SPPL2A: variants seen among roughly 807,000 people sequenced by gnomAD.
SPPL2A encodes signal peptide peptidase like 2A, also known as signal peptide peptidase-like 2A.
SPPL2A carries 51 observed loss-of-function variants against 63.8 expected under a neutral mutation model. That is an observed-to-expected ratio of 0.80 (90% CI 0.64 to 1.01). SPPL2A has a LOEUF of 1.01. SPPL2A is among the 50% of genes least tolerant of loss of function. The pLI is 0.00. For missense variants in SPPL2A, 553 were observed against 622.7 expected (o/e 0.89, Z 1.19); for synonymous variants, 188 against 205.8 (o/e 0.91, Z 0.74).
At chr15:50,760,983 A>G (rs923096479) in intron 1 of SPPL2A, among the ~76,000 whole-genome samples, 4 of 150,036 alleles carry the variant, frequency 2.7e-5, no homozygotes, top group Admixed American at 2.7e-4. Context: ...AAAAAAAATC[A>G]ACAAAACTAT....
chr15:50,708,181 G>T (rs2062526885), intron 14 of SPPL2A, among the ~76,000 whole-genome samples: 1 of 152,140 alleles, frequency 6.6e-6, no homozygotes, highest in African/African-American at 2.4e-5. Context: ...ACAAAAGGAA[G>T]ATATTCCTGA....
chr15:50,740,653 G>A (rs991244881), intron 5 of SPPL2A, among the ~76,000 whole-genome samples: 6 of 151,906 alleles, frequency 3.9e-5, no homozygotes, highest in South Asian at 2.1e-4. Flanking sequence ...CTCTGTTGCC[G>A]AGGCTGGAGT....
At chr15:50,711,609 A>G (rs2062559288) in intron 14 of SPPL2A, among the ~76,000 whole-genome samples, 1 of 152,202 alleles carries the variant, frequency 6.6e-6, no homozygotes, top group Admixed American at 6.5e-5. Flanking sequence ...AAGATCCTGA[A>G]GTATTTCAAT....
chr15:50,762,880 G>A (rs539317281), intron 1 of SPPL2A, among the ~76,000 whole-genome samples: 2 of 151,034 alleles, frequency 1.3e-5, no homozygotes, highest in Non-Finnish European at 1.5e-5. Flanking sequence ...TAACAGGCAC[G>A]CACCACCACG....
At chr15:50,737,385 C>G (rs554849058) in intron 6 of SPPL2A, among the ~76,000 whole-genome samples, 13 of 152,200 alleles carry the variant, frequency 8.5e-5, no homozygotes, top group African/African-American at 2.9e-4. Context: ...CTGTTTGATG[C>G]CAACATAATA....
At position 50,719,998 on chromosome 15, in the gene SPPL2A, G is replaced by A. The variant is rs2062631628; in HGVS notation, c.1430C>T (p.Ser477Leu). ...TTCCTTACGTCTCCAGGCAACAACT[G>A]AGGCAGTAATAAGTGTGCAAGGTAC... Reference protein sequence around the residue: ...YLVPCTLITASVVAWRRKEMK... With the variant: ...YLVPCTLITALVVAWRRKEMK... The change falls in exon 14 of 15, where the codon TCA (serine) becomes TTA (leucine). Residue 477 changes from serine to leucine, a missense_variant. By Grantham distance (145) the Ser-to-Leu change is moderately radical. Transcript: ENST00000261854. The A allele has an allele frequency of 6.2e-7, 1 of 1,613,818 alleles. No homozygotes were observed. The highest frequency in any genetic ancestry group is 8.5e-7 in the Non-Finnish European group (1 of 1,179,806).
At chr15:50,729,203 T>C (rs180788678) in intron 10 of SPPL2A, among the ~76,000 whole-genome samples, 1 of 152,246 alleles carries the variant, frequency 6.6e-6, no homozygotes, top group African/African-American at 2.4e-5. Context: ...TCTGCCTGCC[T>C]TGGCCTCCCA....
chr15:50,703,203 C>G lies in SPPL2A; in HGVS notation c.*4597G>C, dbSNP rs1172443724. On this transcript the variant is annotated 3_prime_UTR_variant, in exon 15 of 15. Transcript: ENST00000261854. Reference sequence around the variant, plus strand: ...ATCTCAGCCAGTACATTCCATTGTACTGGTCTACACTGAATTCCATTCAAT... The same window carrying G: ...ATCTCAGCCAGTACATTCCATTGTAGTGGTCTACACTGAATTCCATTCAAT... 2 of 150,760 alleles carry G rather than the reference C, an allele frequency of 1.3e-5. No individual in the cohort carries two copies. Among genetic ancestry groups the G allele is most frequent in the Admixed American group, 6.7e-5 (1 of 15,036 alleles). 9.3% of individuals were successfully genotyped at this position (150,760 alleles called of 1,614,324 possible). A position where few individuals can be genotyped will look rare whatever the true frequency, so the allele number is the denominator to read the frequency against.
chr15:50,748,178 C>A lies in SPPL2A; in HGVS notation c.385G>T (p.Glu129Ter). ...VLFPPSGNRS[E>*]FPDVKILIAF... is the part of the protein sequence containing the mutation. ...ATCAGTATTTTCACATCAGGAAATT[C>A]AGATCTGTTACCTGAGGGAGGAAAC... Residue 129 changes from glutamate to a stop codon, truncating the protein, a stop_gained, in exon 4 of 15, where the codon GAA becomes TAA. Coordinates refer to ENST00000261854, the MANE Select transcript of SPPL2A (RefSeq NM_032802.4). LOFTEE classifies it high-confidence loss of function. 1 of 1,500,974 alleles carries A rather than the reference C, an allele frequency of 6.7e-7. No homozygotes were observed. Among genetic ancestry groups the A allele is most frequent in the Non-Finnish European group, 8.9e-7 (1 of 1,120,804 alleles). The allele number at this position is 1,500,974 out of a possible 1,614,324, so 93.0% of individuals were successfully genotyped here. A position where few individuals can be genotyped will look rare whatever the true frequency, so the allele number is the denominator to read the frequency against.
chr15:50,742,045 G>C (rs116612156), intron 5 of SPPL2A, among the ~76,000 whole-genome samples: 2,597 of 151,974 alleles, frequency 0.017, 30 homozygotes, highest in African/African-American at 0.031. Flanking sequence ...AGAGCCATAC[G>C]CAATAGAAAC....
chr15:50,745,195 G>C (rs2141048483), intron 5 of SPPL2A, among the ~76,000 whole-genome samples: 1 of 152,292 alleles, frequency 6.6e-6, no homozygotes, highest in African/African-American at 2.4e-5. Flanking sequence ...CTGTCACCCA[G>C]CTTGGAGTGC....
chr15:50,757,889 C>A (rs1311468249), intron 1 of SPPL2A, among the ~76,000 whole-genome samples: 2 of 151,020 alleles, frequency 1.3e-5, no homozygotes, highest in African/African-American at 4.9e-5. Flanking sequence ...GAGGCTGAGG[C>A]CTGAGAATCG....
intron 8 of SPPL2A, among the ~76,000 whole-genome samples, chr15:50,734,901 CTCTT>C (rs952938385): frequency 1.3e-5 from 2 of 152,062 alleles, no homozygotes; most frequent in African/African-American, 2.4e-5. Context: ...TTCTCTCTCT[CTCTT>C]TTCTTTTTTT....
In SPPL2A at chr15:50,757,697, T is replaced by C. The variant is rs538117992; in HGVS notation, c.66+7771A>G. On this transcript the variant is annotated intron_variant, in intron 1 of 14. Transcript: ENST00000261854. ...CCTGTTATGGTATTCTGGGATCTCA[T>C]GAACAATTTTAATTTACTTTGTCCA... 4.6e-5 allele frequency among the ~76,000 whole-genome samples: 7 copies of C among 152,330 alleles called. No individual in the cohort carries two copies. In the South Asian group the frequency reaches 1.4e-3, roughly 32 times the overall value.
chr15:50,762,704 G>A (rs1319906334), intron 1 of SPPL2A, among the ~76,000 whole-genome samples: 3 of 151,694 alleles, frequency 2.0e-5, no homozygotes, highest in Non-Finnish European at 4.4e-5. Context: ...CATGACTAAG[G>A]GGAAGCAGTG....
intron 14 of SPPL2A, among the ~76,000 whole-genome samples, chr15:50,716,127 C>T (rs1294998046): frequency 2.0e-5 from 3 of 152,042 alleles, no homozygotes; most frequent in East Asian, 1.9e-4. Context: ...GGATTATGGG[C>T]GGACTTAATT....
At chr15:50,740,579 T>A (rs1402455631) in intron 5 of SPPL2A, among the ~76,000 whole-genome samples, 1 of 152,104 alleles carries the variant, frequency 6.6e-6, no homozygotes, top group African/African-American at 2.4e-5. Flanking sequence ...CTTACTATTA[T>A]CAACTTACAG....
intron 1 of SPPL2A, among the ~76,000 whole-genome samples, chr15:50,756,188 G>A (rs1567167512): frequency 6.6e-6 from 1 of 151,398 alleles, no homozygotes; most frequent in African/African-American, 2.4e-5. Flanking sequence ...GTGAAACCCC[G>A]TCCCTACTAA....
At chr15:50,744,178 CAA>C (rs1165647730) in intron 5 of SPPL2A, among the ~76,000 whole-genome samples, 25 of 75,304 alleles carry the variant, frequency 3.3e-4, no homozygotes, top group Non-Finnish European at 3.6e-4. Context: ...GACTCCATCT[CAA>C]AAAAAAAAAA....
Sources: allele counts gnomAD v4.1 joint callset (sites outside exome capture counted in the v4.1 genomes callset), GRCh38; gene constraint gnomAD v4.1.1; transcripts MANE v1.5; gene names NCBI Gene and HGNC (gene_info 2026-07-23, HGNC 2026-07-21).